Variants in CELF2 observed in about 807,000 individuals in gnomAD.
CELF2 encodes CUGBP Elav-like family member 2, also known as CUG triplet repeat RNA-binding protein 2.
CELF2 carries 8 observed loss-of-function variants against 62.6 expected under a neutral mutation model. The ratio of observed to expected loss-of-function variants is 0.13; its 90% CI spans 0.07 to 0.23. The LOEUF is 0.23. Among genes scored for constraint, CELF2 ranks in the 10% least tolerant of loss-of-function variants. CELF2 has a pLI of 1.00. For synonymous variants in CELF2, 258 were observed against 250.0 expected (o/e 1.03, Z -0.30); for missense variants, 333 against 671.0 (o/e 0.50, Z 5.56).
the CELF2 span, among the ~76,000 whole-genome samples, chr10:10,640,799 C>T: frequency 6.6e-6 from 1 of 152,218 alleles, no homozygotes; most frequent in Non-Finnish European, 1.5e-5. Flanking sequence ...CTTAACATGA[C>T]AAAATCCTTG....
chr10:10,910,271 A>G (rs2063696408), intron 1 of CELF2, among the ~76,000 whole-genome samples: 1 of 152,216 alleles, frequency 6.6e-6, no homozygotes, highest in African/African-American at 2.4e-5. Context: ...TTAGAGCACA[A>G]TAATTCAGCA....
At chr10:10,864,655 A>G (rs1275806109) in intron 1 of CELF2, among the ~76,000 whole-genome samples, 1 of 152,090 alleles carries the variant, frequency 6.6e-6, no homozygotes, top group African/African-American at 2.4e-5. Context: ...CACTGATTCC[A>G]TTGTAAGAAC....
intron 12 of CELF2, among the ~76,000 whole-genome samples, chr10:11,326,700 C>T (rs1040004754): frequency 6.6e-6 from 1 of 152,044 alleles, no homozygotes; most frequent in African/African-American, 2.4e-5. Context: ...TTTTTCAAAC[C>T]CTATTGGCCC....
At chr10:11,061,035 G>T (rs1411073159) in intron 1 of CELF2, among the ~76,000 whole-genome samples, 4 of 152,106 alleles carry the variant, frequency 2.6e-5, no homozygotes, top group Non-Finnish European at 5.9e-5. Flanking sequence ...AAAGACTAAA[G>T]AATCAAAAGC....
intron 2 of CELF2, among the ~76,000 whole-genome samples, chr10:11,194,381 T>C (rs979156784): frequency 6.6e-6 from 1 of 152,194 alleles, no homozygotes; most frequent in South Asian, 2.1e-4. Context: ...ACTTTTTAAA[T>C]TGAGTTTTCA....
At chr10:10,589,341 A>G in the CELF2 span, among the ~76,000 whole-genome samples, 97 of 152,322 alleles carry the variant, frequency 6.4e-4, 1 homozygote, top group East Asian at 0.018. Context: ...AATGTTTCTT[A>G]TCAGAGTTAA....
intron 1 of CELF2, among the ~76,000 whole-genome samples, chr10:11,136,962 C>T (rs1319076485): frequency 6.6e-6 from 1 of 152,126 alleles, no homozygotes; most frequent in Non-Finnish European, 1.5e-5. Flanking sequence ...TTTCTAATTA[C>T]TTAGAAATAT....
chr10:10,983,864 C>T lies in CELF2; in HGVS notation c.89+63865C>T, dbSNP rs199627910. Among the ~76,000 whole-genome samples, 2 of 152,096 alleles carry T rather than the reference C, an allele frequency of 1.3e-5. No individual in the cohort carries two copies. The highest frequency in any genetic ancestry group is 2.9e-5 in the Non-Finnish European group (2 of 68,008). On this transcript the variant is annotated intron_variant, in intron 2 of 13. Transcript: ENST00000636488. This position sits in a 1 kb window ranked among gnomAD's most constrained non-coding sequence, Gnocchi z 5.2. ...ACAGGCATGAGCTACCACGCCTGGCCGATATATCTGTTATTAATGTAGGTT... is the reference window on the plus strand; with the variant it reads ...ACAGGCATGAGCTACCACGCCTGGCTGATATATCTGTTATTAATGTAGGTT...
At chr10:11,097,086 T>G (rs2050094510) in intron 1 of CELF2, among the ~76,000 whole-genome samples, 1 of 152,208 alleles carries the variant, frequency 6.6e-6, no homozygotes, top group Non-Finnish European at 1.5e-5. Context: ...CCTCACAAAA[T>G]TCTCCTGATC....
the CELF2 span, among the ~76,000 whole-genome samples, chr10:10,507,273 G>C: frequency 6.9e-6 from 1 of 145,660 alleles, no homozygotes; most frequent in African/African-American, 2.6e-5. Flanking sequence ...TAGCATCTAA[G>C]CATATTTCAT....
chr10:11,125,306 G>C (rs539150004), intron 1 of CELF2, among the ~76,000 whole-genome samples: 1 of 152,258 alleles, frequency 6.6e-6, no homozygotes, highest in East Asian at 1.9e-4. Context: ...TGTTAATTTG[G>C]ATGTAAATCT....
the CELF2 span, among the ~76,000 whole-genome samples, chr10:10,507,293 C>A: frequency 5.3e-4 from 2 of 3,766 alleles, no homozygotes; most frequent in Non-Finnish European, 1.6e-3. Context: ...TACTAACATC[C>A]GGAAATACTC....
At chr10:10,728,212 G>A in the CELF2 span, among the ~76,000 whole-genome samples, 1 of 151,660 alleles carries the variant, frequency 6.6e-6, no homozygotes, top group Non-Finnish European at 1.5e-5. Context: ...AGGCTGAGGT[G>A]GGTGGATCAC....
intron 1 of CELF2, among the ~76,000 whole-genome samples, chr10:11,028,283 TCTCTA>T (rs977035437): frequency 1.4e-4 from 21 of 152,098 alleles, no homozygotes; most frequent in Admixed American, 3.9e-4. Context: ...GAAAAGCCCT[TCTCTA>T]CACCAGATTT....
At chr10:10,872,242 G>T (rs576013922) in intron 1 of CELF2, among the ~76,000 whole-genome samples, 20 of 152,308 alleles carry the variant, frequency 1.3e-4, no homozygotes, top group South Asian at 6.2e-4. Context: ...CCCTAAGGAA[G>T]TTGGTTACGT....
chr10:10,651,090 A>G, the CELF2 span, among the ~76,000 whole-genome samples: 11 of 150,584 alleles, frequency 7.3e-5, no homozygotes, highest in Non-Finnish European at 3.0e-5. Context: ...TTCCCTTTCC[A>G]AGTCAAAGAA....
chr10:11,048,732 G>A (rs979754628), intron 1 of CELF2, among the ~76,000 whole-genome samples: 6 of 152,214 alleles, frequency 3.9e-5, no homozygotes, highest in Non-Finnish European at 8.8e-5. Flanking sequence ...ACATTACAGA[G>A]CACTGTCATT....
At chr10:10,598,026 T>C in the CELF2 span, among the ~76,000 whole-genome samples, 2 of 152,318 alleles carry the variant, frequency 1.3e-5, no homozygotes, top group East Asian at 3.9e-4. Context: ...CAATTCAGTG[T>C]TTTCTAGTTA....
chr10:10,626,759 T>C, the CELF2 span, among the ~76,000 whole-genome samples: 8 of 152,248 alleles, frequency 5.3e-5, no homozygotes, highest in African/African-American at 1.9e-4. Context: ...CTTGCTTCTG[T>C]GTATTAATTT....
Sources: gnomAD v4.1 joint callset for allele counts (sites outside exome capture counted in the v4.1 genomes callset) on GRCh38, gnomAD v4.1.1 for gene constraint, Gnocchi (gnomAD v3.1) non-coding constraint, MANE v1.5 for transcripts, NCBI Gene and HGNC (gene_info 2026-07-23, HGNC 2026-07-21) for gene names.